PPP2R2B: variants seen among roughly 807,000 people sequenced by gnomAD.
The protein encoded by PPP2R2B is serine/threonine-protein phosphatase 2A 55 kDa regulatory subunit B beta isoform.
PPP2R2B carries 5 observed loss-of-function variants against 46.0 expected under a neutral mutation model. The ratio of observed to expected loss-of-function variants is 0.11; its 90% CI spans 0.06 to 0.23. The LOEUF is 0.23. PPP2R2B is among the 10% of genes least tolerant of loss of function. PPP2R2B has a pLI of 1.00. For synonymous variants in PPP2R2B, 215 were observed against 206.7 expected (o/e 1.04, Z -0.34); for missense variants, 367 against 575.0 (o/e 0.64, Z 3.70).
At chr5:146,995,823 G>T (rs1049639767) in intron 1 of PPP2R2B, among the ~76,000 whole-genome samples, 1 of 152,190 alleles carries the variant, frequency 6.6e-6, no homozygotes, top group African/African-American at 2.4e-5. Flanking sequence ...AGGAGAGCAA[G>T]ATTTCCCCTC....
chr5:146,856,575 C>T (rs374574203), intron 2 of PPP2R2B: 5 of 1,611,858 alleles, frequency 3.1e-6, no homozygotes, highest in East Asian at 2.2e-5. Context: ...TTGGGTTCTC[C>T]CTTGGCTCCT....
In PPP2R2B at chr5:146,737,755, C is replaced by T. The variant is rs374046567; in HGVS notation, c.71-36613G>A. Among the ~76,000 whole-genome samples the T allele has an allele frequency of 3.0e-4, 46 of 152,218 alleles. No individual in the cohort carries two copies. In the East Asian group the frequency reaches 7.2e-3, roughly 24 times the overall value. On this transcript the variant is annotated intron_variant, in intron 2 of 9. Coordinates refer to ENST00000394411, the MANE Select transcript of PPP2R2B (RefSeq NM_181675.4). ...TTATATTTATGGTGGGTGTCACGGT[C>T]TTCTTTGAGTGTATTTGGTTTAACA...
At chr5:147,064,329 T>C (rs779676627) in intron 2 of PPP2R2B, among the ~76,000 whole-genome samples, 87 of 152,304 alleles carry the variant, frequency 5.7e-4, no homozygotes, top group Non-Finnish European at 9.0e-4. Flanking sequence ...GAGATGGGTC[T>C]GTTTGAGGAT....
At chr5:147,071,781 C>T (rs2151911349) in intron 2 of PPP2R2B, among the ~76,000 whole-genome samples, 1 of 152,194 alleles carries the variant, frequency 6.6e-6, no homozygotes, top group East Asian at 1.9e-4. Flanking sequence ...TTTTATATTC[C>T]ACTTGTTTAT....
chr5:146,890,123 T>G (rs1762450162), intron 1 of PPP2R2B, among the ~76,000 whole-genome samples: 1 of 152,242 alleles, frequency 6.6e-6, no homozygotes, highest in Non-Finnish European at 1.5e-5. Flanking sequence ...GACAATTAAG[T>G]TGGCTTAACT....
intron 7 of PPP2R2B, among the ~76,000 whole-genome samples, chr5:146,629,917 G>A (rs377571050): frequency 3.3e-5 from 5 of 152,078 alleles, no homozygotes; most frequent in Admixed American, 2.6e-4. Context: ...AGGTTCAAGC[G>A]ATTCTCCTAC....
chr5:146,892,737 G>A (rs144803171), intron 1 of PPP2R2B, among the ~76,000 whole-genome samples: 9 of 152,228 alleles, frequency 5.9e-5, no homozygotes, highest in South Asian at 4.1e-4. Context: ...GAAAAAAAGC[G>A]TCATGCTATA....
In PPP2R2B at chr5:146,585,141, C is replaced by T. The variant is rs1302086233; in HGVS notation, c.*4806G>A. 2 of 152,054 alleles carry T rather than the reference C, an allele frequency of 1.3e-5. No homozygotes were observed. Among genetic ancestry groups the T allele is most frequent in the Non-Finnish European group, 2.9e-5 (2 of 68,034 alleles). 9.4% of individuals were successfully genotyped at this position (152,054 alleles called of 1,614,324 possible). ...TTTAAATATCTTAGTAACTCCAGCC[C>T]CTTGTCTAGAACCTGGCTGCCTGAC... On this transcript the variant is annotated 3_prime_UTR_variant, in exon 10 of 10. Transcript: ENST00000394411.
intron 2 of PPP2R2B, among the ~76,000 whole-genome samples, chr5:146,778,541 A>G (rs58671380): frequency 0.02 from 3,036 of 152,184 alleles, 120 homozygotes; most frequent in African/African-American, 0.069. Context: ...CATCCTAGGG[A>G]CTGTGTCTTA....
intron 1 of PPP2R2B, among the ~76,000 whole-genome samples, chr5:146,927,676 A>C (rs1763823656): frequency 6.6e-6 from 1 of 151,642 alleles, no homozygotes. Flanking sequence ...TCTTCCTCAG[A>C]CAGAACTCCA....
At chr5:147,068,310 C>A (rs930485165) in intron 2 of PPP2R2B, among the ~76,000 whole-genome samples, 1 of 152,056 alleles carries the variant, frequency 6.6e-6, no homozygotes, top group African/African-American at 2.4e-5. Context: ...TAAATCAAAT[C>A]AAAATAAAGT....
chr5:146,867,897 T>C (rs1761400935), intron 2 of PPP2R2B, among the ~76,000 whole-genome samples: 1 of 152,338 alleles, frequency 6.6e-6, no homozygotes, highest in South Asian at 2.1e-4. Context: ...TACTTTATAA[T>C]AGTGGAAGAA....
intron 2 of PPP2R2B, among the ~76,000 whole-genome samples, chr5:146,758,375 T>C (rs1561883600): frequency 6.6e-6 from 1 of 152,146 alleles, no homozygotes; most frequent in African/African-American, 2.4e-5. Flanking sequence ...TCTTTCCTCT[T>C]GGCTAAAAGT....
chr5:147,003,611 T>C (rs560373819), intron 1 of PPP2R2B, among the ~76,000 whole-genome samples: 3 of 152,190 alleles, frequency 2.0e-5, no homozygotes, highest in Admixed American at 2.0e-4. Context: ...AAGTAAACAA[T>C]AGAATGACAG....
At chr5:147,017,134 A>T (rs1375267395) in intron 1 of PPP2R2B, among the ~76,000 whole-genome samples, 1 of 151,608 alleles carries the variant, frequency 6.6e-6, no homozygotes, top group African/African-American at 2.4e-5. Flanking sequence ...AAGCTAAAGA[A>T]ATGGAATGCC....
intron 2 of PPP2R2B, among the ~76,000 whole-genome samples, chr5:147,065,823 T>C (rs753155518): frequency 1.6e-4 from 25 of 152,070 alleles, no homozygotes; most frequent in Non-Finnish European, 2.6e-4. Flanking sequence ...ACTACAGCCA[T>C]TGCTACTATT....
At chr5:147,061,097 A>G (rs994101744) in intron 2 of PPP2R2B, among the ~76,000 whole-genome samples, 27 of 152,266 alleles carry the variant, frequency 1.8e-4, no homozygotes, top group African/African-American at 5.1e-4. Context: ...ATACAATATA[A>G]TCTTTTTTAG....
At chr5:146,615,765 T>C (rs1397930750) in intron 7 of PPP2R2B, among the ~76,000 whole-genome samples, 2 of 152,126 alleles carry the variant, frequency 1.3e-5, no homozygotes, top group African/African-American at 4.8e-5. Flanking sequence ...AATGGAAAGA[T>C]ATTCCACATT....
At chr5:146,937,156 C>T (rs2151826586) in intron 1 of PPP2R2B, among the ~76,000 whole-genome samples, 1 of 152,198 alleles carries the variant, frequency 6.6e-6, no homozygotes, top group East Asian at 1.9e-4. Flanking sequence ...ACAAAATTAG[C>T]TGGGCGTGGT....
Sources: gnomAD v4.1 joint callset for allele counts (sites outside exome capture counted in the v4.1 genomes callset) on GRCh38, gnomAD v4.1.1 for gene constraint, MANE v1.5 for transcripts, NCBI Gene and HGNC (gene_info 2026-07-23, HGNC 2026-07-21) for gene names.